Variants in KCNN3 observed in about 807,000 individuals in gnomAD.
The protein encoded by KCNN3 is small conductance calcium-activated potassium channel protein 3.
KCNN3 carries 16 observed loss-of-function variants against 62.9 expected under a neutral mutation model. The observed-to-expected ratio is 0.25, with a 90% confidence interval of 0.17 to 0.39. The LOEUF (loss-of-function observed/expected upper bound fraction) is 0.39, where lower values mean the gene tolerates loss of function less well. Ranked by LOEUF, KCNN3 falls within the 10% of genes least tolerant of loss-of-function variation. The pLI is 1.00. For missense variants in KCNN3, 599 were observed against 949.4 expected, an observed-to-expected ratio of 0.63 and a Z score of 4.85; for synonymous variants, 370 against 389.2, an observed-to-expected ratio of 0.95 and a Z score of 0.58.
chr1:154,740,552 T>C (rs567704307), intron 3 of KCNN3, among the ~76,000 whole-genome samples: 1 of 152,378 alleles, frequency 6.6e-6, no homozygotes, highest in South Asian at 2.1e-4. Context: ...ATATTTCACT[T>C]CATTAGGAAA....
chr1:154,862,725 C>T lies in KCNN3; in HGVS notation c.933+6307G>A, dbSNP rs1398409434. On this transcript the variant is annotated intron_variant, in intron 1 of 7. Transcript: ENST00000271915. The surrounding 1 kb of genome is among the most constrained non-coding windows in gnomAD (Gnocchi z 4.1). ...CCAACCTGGGGTGCCCACACTTGCC[C>T]TGGCCACCCCTCCAGCACTGTCTTC... is the stretch of plus-strand genomic sequence containing the variant. 6.6e-6 allele frequency among the ~76,000 whole-genome samples: 1 copy of T among 152,150 alleles called. No homozygotes were observed. Among genetic ancestry groups the T allele is most frequent in the East Asian group, 1.9e-4 (1 of 5,190 alleles).
chr1:154,848,889 C>A (rs1030470097), intron 1 of KCNN3, among the ~76,000 whole-genome samples: 2 of 152,222 alleles, frequency 1.3e-5, no homozygotes, highest in Non-Finnish European at 2.9e-5. Context: ...CCGAACACCC[C>A]CTCAGCCTCA....
chr1:154,804,208 T>A lies in KCNN3; in HGVS notation c.1029+17881A>T, dbSNP rs78135021. Among the ~76,000 whole-genome samples, 1,129 of 152,354 alleles carry A rather than the reference T, an allele frequency of 7.4e-3. 19 individuals are homozygous for A. Among genetic ancestry groups the A allele is most frequent in the East Asian group, 0.043 (223 of 5,186 alleles). On this transcript the variant is annotated intron_variant, in intron 2 of 7. Coordinates refer to ENST00000271915, the MANE Select transcript of KCNN3 (RefSeq NM_002249.6). ...GGGGCATTTGCAGCAGGAACTGGGATGCCACTGACACCTTTCAGATTAATG... is the reference window on the plus strand; with the variant it reads ...GGGGCATTTGCAGCAGGAACTGGGAAGCCACTGACACCTTTCAGATTAATG...
intron 5 of KCNN3, among the ~76,000 whole-genome samples, chr1:154,715,806 G>A (rs986038349): frequency 3.3e-5 from 5 of 151,052 alleles, no homozygotes; most frequent in South Asian, 2.1e-4. Context: ...TCGTGTATAC[G>A]GTACATTGCT....
chr1:154,735,785 G>C (rs184816066), intron 3 of KCNN3, among the ~76,000 whole-genome samples: 1 of 152,298 alleles, frequency 6.6e-6, no homozygotes, highest in East Asian at 1.9e-4. Context: ...TTGCTTTCTG[G>C]CTGGAGGGAT....
chr1:154,729,036 C>A (rs1700534233), intron 4 of KCNN3, among the ~76,000 whole-genome samples: 1 of 152,190 alleles, frequency 6.6e-6, no homozygotes, highest in South Asian at 2.1e-4. Flanking sequence ...GCCACAGTGG[C>A]AGCCTGGCAG....
At chr1:154,856,228 G>A (rs1652520109) in intron 1 of KCNN3, among the ~76,000 whole-genome samples, 1 of 152,188 alleles carries the variant, frequency 6.6e-6, no homozygotes, top group Non-Finnish European at 1.5e-5. Flanking sequence ...GGGCTGGCCT[G>A]CAGGGAGGAG....
chr1:154,736,076 T>C (rs571295391), intron 3 of KCNN3, among the ~76,000 whole-genome samples: 2 of 152,236 alleles, frequency 1.3e-5, no homozygotes, highest in African/African-American at 4.8e-5. Context: ...GCTGAGCCAG[T>C]GATCTTGGGC....
At chr1:154,828,864 T>C (rs1651260652) in intron 1 of KCNN3, among the ~76,000 whole-genome samples, 1 of 152,266 alleles carries the variant, frequency 6.6e-6, no homozygotes, top group Non-Finnish European at 1.5e-5. Flanking sequence ...CAATAATTTA[T>C]AAAGATATCC....
intron 1 of KCNN3, among the ~76,000 whole-genome samples, chr1:154,858,735 AC>A (rs1386065305): frequency 6.8e-6 from 1 of 146,900 alleles, no homozygotes; most frequent in Non-Finnish European, 1.5e-5. Context: ...AAGTCATGTA[AC>A]TTTTTTTTTT....
chr1:154,780,668 G>C (rs996121889), intron 2 of KCNN3, among the ~76,000 whole-genome samples: 1 of 151,062 alleles, frequency 6.6e-6, no homozygotes, highest in Admixed American at 6.6e-5. Flanking sequence ...CCATTACTAC[G>C]GGGGTTACCA....
At chr1:154,867,359 C>T (rs1652994879) in intron 1 of KCNN3, among the ~76,000 whole-genome samples, 1 of 152,218 alleles carries the variant, frequency 6.6e-6, no homozygotes, top group African/African-American at 2.4e-5. Context: ...CTGAGACGCT[C>T]ATCCTTGAGC....
intron 5 of KCNN3, among the ~76,000 whole-genome samples, chr1:154,721,145 A>G (rs1035416588): frequency 6.6e-6 from 1 of 151,980 alleles, no homozygotes; most frequent in African/African-American, 2.4e-5. Flanking sequence ...CAAGAAGGAG[A>G]TAGGATCCTT....
At chr1:154,713,679 T>A (rs1700123732) in intron 6 of KCNN3, 146 bp from the exon 7 acceptor site, 1 of 706,458 alleles carries the variant, frequency 1.4e-6, no homozygotes, top group South Asian at 1.5e-5. Flanking sequence ...AGGCTTTTAC[T>A]TTCCAGGGGC....
intron 3 of KCNN3, among the ~76,000 whole-genome samples, chr1:154,761,107 T>C (rs1647989023): frequency 6.6e-6 from 1 of 152,172 alleles, no homozygotes; most frequent in Non-Finnish European, 1.5e-5. Context: ...TAAAAATTTA[T>C]ATATGTATAT....
intron 5 of KCNN3, among the ~76,000 whole-genome samples, chr1:154,715,583 CTT>C (rs1336378780): frequency 4.0e-5 from 6 of 149,768 alleles, no homozygotes; most frequent in African/African-American, 1.5e-4. Context: ...CTTTTTCTTT[CTT>C]TCTCTCTTTC....
chr1:154,742,509 A>G (rs2101803636), intron 3 of KCNN3, among the ~76,000 whole-genome samples: 1 of 152,344 alleles, frequency 6.6e-6, no homozygotes, highest in Middle Eastern at 3.4e-3. Context: ...AGGAGCTGAT[A>G]TGTCTAAAAT....
chr1:154,707,674 A>T lies in KCNN3; in HGVS notation c.*302T>A. 1 of 306,462 alleles carries T rather than the reference A, an allele frequency of 3.3e-6. No individual in the cohort carries two copies. The allele number at this position is 306,462 out of a possible 1,614,324, so 19.0% of individuals were successfully genotyped here. On this transcript the variant is annotated 3_prime_UTR_variant, in exon 8 of 8. Coordinates refer to ENST00000271915, the MANE Select transcript of KCNN3 (RefSeq NM_002249.6). The stretch of plus-strand genomic sequence containing the variant: ...TCTGACCCCCACCCCCCGCGTGAAG[A>T]CCTGAGATTGAGCGTGGATTTCTGT...
At chr1:154,851,582 C>T (rs983124493) in intron 1 of KCNN3, among the ~76,000 whole-genome samples, 17 of 152,218 alleles carry the variant, frequency 1.1e-4, no homozygotes, top group South Asian at 2.1e-4. Flanking sequence ...TCAGCCTCAT[C>T]CTTGACTTCC....
Sources: gnomAD v4.1 joint callset for allele counts (sites outside exome capture counted in the v4.1 genomes callset) on GRCh38, gnomAD v4.1.1 for gene constraint, Gnocchi (gnomAD v3.1) non-coding constraint, MANE v1.5 for transcripts, NCBI Gene and HGNC (gene_info 2026-07-23, HGNC 2026-07-21) for gene names.